The following CCDC7 variants were observed in gnomAD, a reference collection of about 807,000 sequenced individuals.
The protein encoded by CCDC7 is coiled-coil domain-containing protein 7.
In CCDC7, 183 loss-of-function variants were observed where a neutral mutation model predicts 196.9. That is an observed-to-expected ratio of 0.93 (90% CI 0.82 to 1.05). The LOEUF (loss-of-function observed/expected upper bound fraction) is 1.05, where lower values mean the gene tolerates loss of function less well. Ranked by LOEUF, CCDC7 falls within the 50% of genes least tolerant of loss-of-function variation. CCDC7 has a pLI of 0.00. For synonymous variants in CCDC7, 525 were observed against 484.6 expected (o/e 1.08, Z -1.10); for missense variants, 1,540 against 1,482.2 (o/e 1.04, Z -0.64).
chr10:32,541,994 C>T (rs947613080), intron 11 of CCDC7, among the ~76,000 whole-genome samples: 1 of 152,308 alleles, frequency 6.6e-6, no homozygotes. Context: ...ACCCTGCTGC[C>T]TTGATGGATA....
At chr10:32,600,490 T>G (rs1225264957) in intron 18 of CCDC7, among the ~76,000 whole-genome samples, 1 of 152,086 alleles carries the variant, frequency 6.6e-6, no homozygotes, top group East Asian at 1.9e-4. Flanking sequence ...AGGTATATGA[T>G]CATATCATCG....
intron 8 of CCDC7, among the ~76,000 whole-genome samples, chr10:32,479,820 A>G (rs562779421): frequency 1.8e-4 from 25 of 135,584 alleles, no homozygotes; most frequent in African/African-American, 6.1e-4. Context: ...CCATAAAACC[A>G]CTGGGTCCTG....
intron 13 of CCDC7, among the ~76,000 whole-genome samples, chr10:32,555,879 C>T (rs563783056): frequency 1.2e-4 from 18 of 152,316 alleles, no homozygotes; most frequent in Middle Eastern, 6.8e-3. Context: ...CTATGTCTGA[C>T]GTTCCAGCTG....
At chr10:32,578,118 A>G (rs1432070024) in intron 16 of CCDC7, among the ~76,000 whole-genome samples, 1 of 152,190 alleles carries the variant, frequency 6.6e-6, no homozygotes, top group Non-Finnish European at 1.5e-5. Flanking sequence ...GACCTCTTCC[A>G]AGGCATGTTA....
intron 24 of CCDC7, among the ~76,000 whole-genome samples, chr10:32,707,315 G>A (rs571601157): frequency 3.3e-4 from 50 of 152,246 alleles, no homozygotes; most frequent in African/African-American, 1.1e-3. Context: ...CTGATGGGAC[G>A]TATCTCAAAA....
At chr10:32,704,482 T>C (rs2079347845) in intron 24 of CCDC7, among the ~76,000 whole-genome samples, 1 of 152,136 alleles carries the variant, frequency 6.6e-6, no homozygotes, top group South Asian at 2.1e-4. Flanking sequence ...AGGCAGTCAG[T>C]CCATTCTCAG....
rs150196565 is a variant in CCDC7 at position 32,595,836 on chromosome 10, C to T, written c.1801+11532C>T. Reference sequence around the variant, plus strand: ...ATTCAGAAGCAGGTTGTTCAGTTTCCGTGTAGTTGAGTGGTTTTGAGTGAG... The same window carrying T: ...ATTCAGAAGCAGGTTGTTCAGTTTCTGTGTAGTTGAGTGGTTTTGAGTGAG... On this transcript the variant is annotated intron_variant, in intron 18 of 41. Coordinates refer to ENST00000639629, the Ensembl canonical transcript of CCDC7. Among the ~76,000 whole-genome samples the T allele has an allele frequency of 6.0e-3, 915 of 152,256 alleles. 9 individuals are homozygous for T. Among genetic ancestry groups the T allele is most frequent in the African/African-American group, 0.021 (870 of 41,530 alleles).
At chr10:32,500,575 G>C (rs1051205065) in intron 9 of CCDC7, among the ~76,000 whole-genome samples, 3 of 151,748 alleles carry the variant, frequency 2.0e-5, no homozygotes, top group Non-Finnish European at 2.9e-5. Context: ...GGGCGGCCGG[G>C]CAGAGGGGCT....
chr10:32,719,533 T>G (rs1045330774), intron 25 of CCDC7, among the ~76,000 whole-genome samples: 12 of 152,110 alleles, frequency 7.9e-5, no homozygotes, highest in Non-Finnish European at 1.3e-4. Flanking sequence ...TGAGATCTAA[T>G]TAAACTAAAG....
intron 10 of CCDC7, 27 bp from the exon 12 acceptor site, chr10:32,518,385 CTTCA>C: frequency 6.5e-7 from 1 of 1,547,830 alleles, no homozygotes; most frequent in East Asian, 2.4e-5. Context: ...GAGTTTTACT[CTTCA>C]TTATTACTAA....
intron 41 of CCDC7, among the ~76,000 whole-genome samples, chr10:32,864,414 A>C (rs1358700300): frequency 6.6e-6 from 1 of 151,798 alleles, no homozygotes; most frequent in East Asian, 1.9e-4. Flanking sequence ...GGCTACTTAT[A>C]ACAAGACCTG....
chr10:32,563,096 T>C (rs7895954), intron 13 of CCDC7, among the ~76,000 whole-genome samples: 125,851 of 151,100 alleles, frequency 0.83, 53,043 homozygotes, highest in Non-Finnish European at 0.9. Context: ...TTACAAGGGA[T>C]GTGAAGGACC....
chr10:32,522,197 A>G (rs1045059220), intron 11 of CCDC7, among the ~76,000 whole-genome samples: 5 of 152,154 alleles, frequency 3.3e-5, no homozygotes, highest in African/African-American at 4.8e-5. Context: ...TTGTAGAATG[A>G]GTTTGGAAGT....
chr10:32,711,363 A>G (rs1231438256), intron 24 of CCDC7, among the ~76,000 whole-genome samples: 1 of 152,130 alleles, frequency 6.6e-6, no homozygotes, highest in Non-Finnish European at 1.5e-5. Flanking sequence ...AACCTAAAGT[A>G]TAAATAACTT....
At chr10:32,444,466 C>T (rs548016802), upstream of CCDC7, among the ~76,000 whole-genome samples, 43 of 152,314 alleles carry the variant, frequency 2.8e-4, no homozygotes, top group African/African-American at 1.0e-3. Flanking sequence ...TAGACTCATG[C>T]TGAGAGTTTT....
intron 16 of CCDC7, among the ~76,000 whole-genome samples, chr10:32,582,139 T>TATATATATATATATATATAC (rs1201465796): frequency 6.9e-5 from 9 of 131,056 alleles, no homozygotes; most frequent in African/African-American, 2.5e-4. Flanking sequence ...TATATATATA[T>TATATATATATATATATATAC]ACTTTTTTTT....
chr10:32,646,627 G>A (rs1200207612), intron 20 of CCDC7, among the ~76,000 whole-genome samples: 1 of 152,058 alleles, frequency 6.6e-6, no homozygotes, highest in Non-Finnish European at 1.5e-5. Flanking sequence ...GGTTACATGT[G>A]CAGAATTGTT....
At chr10:32,882,405 A>G (rs546517063) in intron 22 of CCDC7, among the ~76,000 whole-genome samples, 30 of 152,298 alleles carry the variant, frequency 2.0e-4, no homozygotes, top group Non-Finnish European at 3.2e-4. Flanking sequence ...AGGCAGGCCA[A>G]GGATGAGGCC....
At chr10:32,604,027 C>T (rs1336945990) in intron 18 of CCDC7, among the ~76,000 whole-genome samples, 3 of 152,084 alleles carry the variant, frequency 2.0e-5, no homozygotes, top group South Asian at 2.1e-4. Context: ...TTTGGCTAGA[C>T]CAATGTCCTA....
Sources: gnomAD v4.1 joint callset for allele counts (sites outside exome capture counted in the v4.1 genomes callset) on GRCh38, gnomAD v4.1.1 for gene constraint, MANE v1.5 for transcripts, NCBI Gene and HGNC (gene_info 2026-07-23, HGNC 2026-07-21) for gene names.